NUCKS1: variants seen among roughly 807,000 people sequenced by gnomAD.
NUCKS1 encodes the protein nuclear ubiquitous casein and cyclin-dependent kinase substrate 1.
A neutral mutation model predicts 33.0 loss-of-function variants in NUCKS1; 2 were observed. The observed-to-expected ratio is 0.06, with a 90% CI of 0.02 to 0.19. The LOEUF is 0.19. Ranked by LOEUF, NUCKS1 falls within the 10% of genes least tolerant of loss-of-function variation. The pLI, the probability that NUCKS1 is intolerant of heterozygous loss-of-function variation, is 1.00. For synonymous variants in NUCKS1, 106 were observed against 102.8 expected (o/e 1.03, Z -0.19); for missense variants, 201 against 293.6 (o/e 0.68, Z 2.31).
chr1:205,741,385 T>C (rs1485604691), intron 1 of NUCKS1, among the ~76,000 whole-genome samples: 2 of 146,076 alleles, frequency 1.4e-5, no homozygotes, highest in African/African-American at 5.1e-5. Flanking sequence ...ATTTGATAAA[T>C]AAAGTCAGCT....
chr1:205,729,011 C>T (rs1356027007), intron 2 of NUCKS1, among the ~76,000 whole-genome samples: 2 of 152,052 alleles, frequency 1.3e-5, no homozygotes, highest in African/African-American at 4.8e-5. Flanking sequence ...TTCTGTTGCC[C>T]AGGCTGGAGT....
chr1:205,750,053 C>CCCCCCCCCCCT lies in NUCKS1; in HGVS notation c.-81_-80insAGGGGGGGGGG. 1 of 1,282,384 alleles carries CCCCCCCCCCCT rather than the reference C, an allele frequency of 7.8e-7. No homozygotes were observed. Among genetic ancestry groups the CCCCCCCCCCCT allele is most frequent in the Non-Finnish European group, 1.0e-6 (1 of 963,562 alleles). 79.4% of individuals were successfully genotyped at this position (1,282,384 alleles called of 1,614,324 possible). ...CCCCGCGCGCTCGGCGCCCCACCCC[C>CCCCCCCCCCCT]CCCGAACTTCAGCCGATGGGACCGC... is the stretch of plus-strand genomic sequence containing the variant. On this transcript the variant is annotated 5_prime_UTR_variant, in exon 1 of 7. Coordinates refer to ENST00000367142, the MANE Select transcript of NUCKS1 (RefSeq NM_022731.5).
In NUCKS1 at chr1:205,713,770, T is replaced by C. The variant is rs1428328786; in HGVS notation, c.*4510A>G. 2 of 152,196 alleles carry C rather than the reference T, an allele frequency of 1.3e-5. No homozygotes were observed. Among genetic ancestry groups the C allele is most frequent in the Non-Finnish European group, 2.9e-5 (2 of 68,062 alleles). 9.4% of individuals were successfully genotyped at this position (152,196 alleles called of 1,614,324 possible). A position where few individuals can be genotyped will look rare whatever the true frequency, so the allele number is the denominator to read the frequency against. ...TCATGTATCTAGCAACATTGCAGTA[T>C]GAAGAAAAGAGATGCCCCGGTCTCA... On this transcript the variant is annotated 3_prime_UTR_variant, in exon 7 of 7. Coordinates refer to ENST00000367142, the MANE Select transcript of NUCKS1 (RefSeq NM_022731.5).
At chr1:205,749,135 G>A (rs527365603) in intron 1 of NUCKS1, among the ~76,000 whole-genome samples, 2 of 152,340 alleles carry the variant, frequency 1.3e-5, no homozygotes, top group African/African-American at 2.4e-5. Context: ...GGGTGAGAGT[G>A]GAACGAGAAC....
intron 1 of NUCKS1, among the ~76,000 whole-genome samples, chr1:205,730,137 T>C (rs1035486898): frequency 6.6e-6 from 1 of 152,190 alleles, no homozygotes; most frequent in Admixed American, 6.5e-5. Flanking sequence ...CACTGCAACC[T>C]TGACCTACTG....
chr1:205,729,616 C>T lies in NUCKS1; in HGVS notation c.23G>A (p.Arg8Lys). MSRPVRNRKVVDYSQFQE... is the reference protein window; with the variant it reads MSRPVRNKKVVDYSQFQE... ...AAACTGTGAGTAATCAACAACCTTC[C>T]TATTTCTGTAGAAAGAAGAGACTCT... The change falls in exon 2 of 7, where the codon AGG (arginine) becomes AAG (lysine). Residue 8 changes from arginine to lysine, a missense_variant. Arg to Lys is a conservative substitution (Grantham distance 26, BLOSUM62 2). Transcript: ENST00000367142. 1 of 1,609,822 alleles carries T rather than the reference C, an allele frequency of 6.2e-7. No individual in the cohort carries two copies. Among genetic ancestry groups the T allele is most frequent in the Non-Finnish European group, 8.5e-7 (1 of 1,176,282 alleles).
chr1:205,745,605 T>G (rs1477843448), intron 1 of NUCKS1, among the ~76,000 whole-genome samples: 1 of 152,184 alleles, frequency 6.6e-6, no homozygotes, highest in Non-Finnish European at 1.5e-5. Flanking sequence ...TCAATGTGTA[T>G]GGAATGTATT....
At chr1:205,725,779 A>G (rs905854849) in intron 3 of NUCKS1, among the ~76,000 whole-genome samples, 1 of 152,268 alleles carries the variant, frequency 6.6e-6, no homozygotes, top group Non-Finnish European at 1.5e-5. Context: ...AATGACTGCA[A>G]CAAGAAAAAC....
At chr1:205,738,671 C>T (rs530522551) in intron 1 of NUCKS1, among the ~76,000 whole-genome samples, 7 of 152,032 alleles carry the variant, frequency 4.6e-5, no homozygotes, top group South Asian at 4.2e-4. Context: ...CCGAGGTGGG[C>T]GGATGGCTTC....
rs1412324040 is a variant in NUCKS1 at position 205,723,906 on chromosome 1, C to T, written c.229+20G>A. The T allele has an allele frequency of 2.6e-6, 4 of 1,514,050 alleles. No individual in the cohort carries two copies. The highest frequency in any genetic ancestry group is 1.7e-5 in the Admixed American group (1 of 59,850). 93.8% of individuals were successfully genotyped at this position (1,514,050 alleles called of 1,614,324 possible). The stretch of plus-strand genomic sequence containing the variant: ...TATACAAATATAATTATACCTCTTA[C>T]ATTTAAAATAGTTTACTACCTGCTG... On this transcript the variant is annotated intron_variant, in intron 4 of 6. Coordinates refer to ENST00000367142, the MANE Select transcript of NUCKS1 (RefSeq NM_022731.5).
At chr1:205,723,051 G>A (rs757117996) in intron 4 of NUCKS1, among the ~76,000 whole-genome samples, 6 of 152,306 alleles carry the variant, frequency 3.9e-5, no homozygotes, top group African/African-American at 1.4e-4. Flanking sequence ...ATGACTGAAA[G>A]CATATACTCT....
chr1:205,719,460 G>T, intron 6 of NUCKS1, 67 bp downstream of exon 6: 1 of 1,481,184 alleles, frequency 6.8e-7, no homozygotes, highest in Non-Finnish European at 9.1e-7. Flanking sequence ...AGGAATTTCT[G>T]TATTGAAAAT....
Position 205,715,551 on chromosome 1 carries a change from G to A in NUCKS1, c.*2729C>T, listed in dbSNP as rs771020242. 6.6e-6 allele frequency: 1 copy of A among 152,244 alleles called. No homozygotes were observed. The highest frequency in any genetic ancestry group is 6.5e-5 in the Admixed American group (1 of 15,276). 9.4% of individuals were successfully genotyped at this position (152,244 alleles called of 1,614,324 possible). Reference sequence around the variant, plus strand: ...AGCAGCAGCAGGTTACAGAAAGACTGAATAAGATGAAAGTATGCTACGTAT... The same window carrying A: ...AGCAGCAGCAGGTTACAGAAAGACTAAATAAGATGAAAGTATGCTACGTAT... On this transcript the variant is annotated 3_prime_UTR_variant, in exon 7 of 7. Transcript: ENST00000367142.
chr1:205,722,283 T>G (rs563307662), intron 4 of NUCKS1, among the ~76,000 whole-genome samples: 1 of 151,870 alleles, frequency 6.6e-6, no homozygotes, highest in East Asian at 1.9e-4. Context: ...TGAGATGGAG[T>G]TTTGCTCTTC....
chr1:205,728,273 T>C (rs777685593), intron 2 of NUCKS1, among the ~76,000 whole-genome samples: 3 of 152,020 alleles, frequency 2.0e-5, no homozygotes, highest in African/African-American at 4.8e-5. Context: ...TGACTCTACC[T>C]TAAAAGGAAA....
chr1:205,723,669 C>A (rs1316335771), intron 4 of NUCKS1, among the ~76,000 whole-genome samples: 1 of 151,996 alleles, frequency 6.6e-6, no homozygotes, highest in African/African-American at 2.4e-5. Flanking sequence ...TAAAGAAAAC[C>A]AAGCCCCAAC....
intron 1 of NUCKS1, 115 bp from the exon 2 acceptor site, chr1:205,729,736 T>A: frequency 1.2e-6 from 1 of 841,144 alleles, no homozygotes; most frequent in Non-Finnish European, 2.0e-6. Context: ...GAAAATTATT[T>A]AATTGCTGGA....
intron 3 of NUCKS1, among the ~76,000 whole-genome samples, chr1:205,724,734 C>A (rs1468933711): frequency 6.6e-6 from 1 of 151,940 alleles, no homozygotes; most frequent in Non-Finnish European, 1.5e-5. Flanking sequence ...AGTTATCTTA[C>A]CTAACTTATA....
Position 205,718,212 on chromosome 1 carries a change from T to TC in NUCKS1, c.*67dup, listed in dbSNP as rs1292994588. On this transcript the variant is annotated 3_prime_UTR_variant, in exon 7 of 7. Transcript: ENST00000367142. The stretch of plus-strand genomic sequence containing the variant: ...TCTATCTTAAGTAGGTTCTTTTTTT[T>TC]CCTCCCTCTTTTTTCTTTTTTTTTC... The TC allele has an allele frequency of 6.6e-7, 1 of 1,512,178 alleles. No individual in the cohort carries two copies. Among genetic ancestry groups the TC allele is most frequent in the Non-Finnish European group, 8.8e-7 (1 of 1,140,372 alleles). 93.7% of individuals were successfully genotyped at this position (1,512,178 alleles called of 1,614,324 possible).
Sources: allele counts gnomAD v4.1 joint callset (sites outside exome capture counted in the v4.1 genomes callset), GRCh38; gene constraint gnomAD v4.1.1; transcripts MANE v1.5; gene names NCBI Gene and HGNC (gene_info 2026-07-23, HGNC 2026-07-21).